Variants in XRCC5 observed in about 807,000 individuals in gnomAD.
XRCC5 encodes X-ray repair cross complementing 5, also known as DNA repair protein Ku80.
Under a neutral mutation model 95.7 loss-of-function variants are expected in XRCC5, and 12 were observed. The observed-to-expected ratio is 0.13, with a 90% CI of 0.08 to 0.20. The LOEUF is 0.20. Ranked by LOEUF, XRCC5 falls within the 10% of genes least tolerant of loss-of-function variation. The pLI, the probability that XRCC5 is intolerant of heterozygous loss-of-function variation, is 1.00. For synonymous variants in XRCC5, 281 were observed against 290.3 expected (o/e 0.97, Z 0.33); for missense variants, 595 against 873.9 (o/e 0.68, Z 4.02).
chr2:216,122,857 G>A (rs1258722126), intron 6 of XRCC5, among the ~76,000 whole-genome samples: 2 of 151,996 alleles, frequency 1.3e-5, no homozygotes, highest in African/African-American at 2.4e-5. Flanking sequence ...TTGAAGTACC[G>A]TATAACAATA....
intron 16 of XRCC5, among the ~76,000 whole-genome samples, chr2:216,189,790 C>G (rs2241320): frequency 0.12 from 17,922 of 152,142 alleles, 1,218 homozygotes; most frequent in South Asian, 0.28. Context: ...CAGCACTGTT[C>G]GACAATTATC....
At chr2:216,149,378 T>G (rs41296422) in intron 14 of XRCC5, among the ~76,000 whole-genome samples, 32 of 152,272 alleles carry the variant, frequency 2.1e-4, no homozygotes, top group Middle Eastern at 3.4e-3. Flanking sequence ...ATTGATAGAT[T>G]GTTTCTTGAT....
intron 5 of XRCC5, among the ~76,000 whole-genome samples, chr2:216,119,819 G>T (rs1247577120): frequency 6.6e-6 from 1 of 152,182 alleles, no homozygotes; most frequent in Non-Finnish European, 1.5e-5. Flanking sequence ...CTTTCTCTGT[G>T]TTATATCCCT....
In XRCC5 at chr2:216,114,747, A is replaced by C. The variant is rs780212991; in HGVS notation, c.135+1618A>C. On this transcript the variant is annotated intron_variant, in intron 2 of 20. Transcript: ENST00000392132. The stretch of plus-strand genomic sequence containing the variant: ...AAACACCTGGAGTTAGCAAGCTATA[A>C]TCCTTAAGGTTTCGAGCATGCGCAG... Among the ~76,000 whole-genome samples, 5 of 152,172 alleles carry C rather than the reference A, an allele frequency of 3.3e-5. No individual in the cohort carries two copies. In the East Asian group the frequency reaches 5.8e-4, roughly 18 times the overall value.
At chr2:216,168,999 T>A (rs1470701700) in intron 16 of XRCC5, among the ~76,000 whole-genome samples, 1 of 152,262 alleles carries the variant, frequency 6.6e-6, no homozygotes, top group Non-Finnish European at 1.5e-5. Flanking sequence ...AACAACATTA[T>A]AGGGTCACAT....
At chr2:216,189,881 G>T (rs1311543686) in intron 16 of XRCC5, among the ~76,000 whole-genome samples, 5 of 152,120 alleles carry the variant, frequency 3.3e-5, no homozygotes, top group African/African-American at 1.2e-4. Flanking sequence ...TATCCAAATG[G>T]CCCCTAAATT....
intron 10 of XRCC5, among the ~76,000 whole-genome samples, chr2:216,136,773 G>A (rs1398778999): frequency 1.3e-5 from 2 of 152,138 alleles, no homozygotes; most frequent in African/African-American, 4.8e-5. Context: ...GATACTGATA[G>A]CAATTTGTGG....
Position 216,146,765 on chromosome 2 carries a change from A to C in XRCC5, c.1477-1318A>C, listed in dbSNP as rs553652156. On this transcript the variant is annotated intron_variant, in intron 13 of 20. Transcript: ENST00000392132. ...GCATGCTGTGTAGAACTTCACTCACATGGGCAGTGGAGAATTTGCCCTGGC... is the reference window on the plus strand; with the variant it reads ...GCATGCTGTGTAGAACTTCACTCACCTGGGCAGTGGAGAATTTGCCCTGGC... Among the ~76,000 whole-genome samples the C allele has an allele frequency of 3.2e-4, 48 of 152,276 alleles. No homozygotes were observed. In the South Asian group the frequency reaches 1.0e-2, roughly 32 times the overall value.
chr2:216,169,694 C>T (rs946339517), intron 16 of XRCC5, among the ~76,000 whole-genome samples: 1 of 151,872 alleles, frequency 6.6e-6, no homozygotes, highest in Non-Finnish European at 1.5e-5. Flanking sequence ...TCTTATGATA[C>T]CTATTTTAAA....
chr2:216,197,427 G>A (rs929822109), intron 19 of XRCC5, among the ~76,000 whole-genome samples: 12 of 115,034 alleles, frequency 1.0e-4, no homozygotes, highest in African/African-American at 3.7e-4. Flanking sequence ...CCTGGACAAC[G>A]AAAGCGAAAC....
chr2:216,151,569 A>G (rs765086850), intron 14 of XRCC5, among the ~76,000 whole-genome samples: 9 of 152,216 alleles, frequency 5.9e-5, no homozygotes, highest in Non-Finnish European at 1.3e-4. Flanking sequence ...CATAGGTTAC[A>G]TATCCTCTCA....
intron 14 of XRCC5, 41 bp from the exon 15 acceptor site, chr2:216,160,027 G>C: frequency 8.8e-7 from 1 of 1,139,078 alleles, no homozygotes; most frequent in African/African-American, 1.7e-5. Context: ...ATCTGGTTTT[G>C]TATTGTTTGT....
Position 216,118,893 on chromosome 2 carries a change from TAAG to T in XRCC5, c.369-147_369-145del, listed in dbSNP as rs1442911675. 9.7e-6 allele frequency: 8 copies of T among 820,576 alleles called. No homozygotes were observed. The East Asian group carries it at 1.7e-4, about 18-fold the overall frequency. 50.8% of individuals were successfully genotyped at this position (820,576 alleles called of 1,614,324 possible). On this transcript the variant is annotated intron_variant, in intron 4 of 20. Transcript: ENST00000392132. ...GTATCAGGGTTGATTATGAATTTAATAAGAACTTAATTGGACTACTAGAATGTA... is the reference window on the plus strand; with the variant it reads ...GTATCAGGGTTGATTATGAATTTAATAACTTAATTGGACTACTAGAATGTA...
intron 9 of XRCC5, among the ~76,000 whole-genome samples, chr2:216,131,767 A>C (rs527385149): frequency 1.3e-5 from 2 of 152,264 alleles, no homozygotes; most frequent in African/African-American, 4.8e-5. Flanking sequence ...AATCTCTGTA[A>C]TCTAATTTTT....
chr2:216,138,274 T>A, intron 12 of XRCC5, 95 bp downstream of exon 12: 1 of 1,042,652 alleles, frequency 9.6e-7, no homozygotes, highest in South Asian at 1.3e-5. Flanking sequence ...TAGGTATTTA[T>A]AGGGTGCAAT....
chr2:216,204,030 G>A (rs1235934248), intron 19 of XRCC5: 4 of 367,056 alleles, frequency 1.1e-5, no homozygotes, highest in African/African-American at 8.2e-5. Flanking sequence ...TGTCCACCAT[G>A]CTTATACAGG....
At chr2:216,150,956 A>G (rs998966041) in intron 14 of XRCC5, among the ~76,000 whole-genome samples, 1 of 152,224 alleles carries the variant, frequency 6.6e-6, no homozygotes, top group Admixed American at 6.5e-5. Flanking sequence ...CCCTGATGTC[A>G]CAAGGCGATA....
At chr2:216,118,644 A>G (rs1042506597) in intron 4 of XRCC5, among the ~76,000 whole-genome samples, 3 of 152,204 alleles carry the variant, frequency 2.0e-5, no homozygotes, top group African/African-American at 7.2e-5. Flanking sequence ...TCCTCTGCCA[A>G]ATCTTGCCAC....
intron 19 of XRCC5, among the ~76,000 whole-genome samples, chr2:216,197,818 CT>C (rs41296787): frequency 6.6e-6 from 1 of 152,076 alleles, no homozygotes; most frequent in Non-Finnish European, 1.5e-5. Flanking sequence ...ATGCCATTTC[CT>C]TTTTTTCCCC....
Sources: allele counts gnomAD v4.1 joint callset (sites outside exome capture counted in the v4.1 genomes callset), GRCh38; gene constraint gnomAD v4.1.1; transcripts MANE v1.5; gene names NCBI Gene and HGNC (gene_info 2026-07-23, HGNC 2026-07-21).